Variants in LIPA observed in about 807,000 individuals in gnomAD.
The protein encoded by LIPA is lipase A, lysosomal acid type, also known as lysosomal acid lipase/cholesteryl ester hydrolase.
LIPA carries 26 observed loss-of-function variants against 40.6 expected under a neutral mutation model. That is an observed-to-expected ratio of 0.64 (90% CI 0.47 to 0.89). The LOEUF (loss-of-function observed/expected upper bound fraction) is 0.89, where lower values mean the gene tolerates loss of function less well. LIPA is among the 40% of genes least tolerant of loss of function. The pLI, the probability that LIPA is intolerant of heterozygous loss-of-function variation, is 0.00. For missense variants in LIPA, 455 were observed against 479.6 expected, an observed-to-expected ratio of 0.95 and a Z score of 0.48; for synonymous variants, 188 against 168.4, an observed-to-expected ratio of 1.12 and a Z score of -0.90.
intron 5 of LIPA, 67 bp from the exon 6 acceptor site, chr10:89,225,295 G>A: frequency 6.2e-7 from 1 of 1,601,834 alleles, no homozygotes; most frequent in South Asian, 1.1e-5. Flanking sequence ...AAAACACAAA[G>A]GCCGTCACTC....
intron 1 of LIPA, among the ~76,000 whole-genome samples, chr10:89,279,020 T>C (rs1843303151): frequency 6.6e-6 from 1 of 152,118 alleles, no homozygotes; most frequent in African/African-American, 2.4e-5. Flanking sequence ...ATGTAGAACA[T>C]ACTTGAGAAA....
At chr10:89,389,008 G>C (rs191959580) in intron 2 of LIPA, among the ~76,000 whole-genome samples, 12 of 152,144 alleles carry the variant, frequency 7.9e-5, no homozygotes, top group Middle Eastern at 3.4e-3. Context: ...AAGTAGTTTA[G>C]GAAAAATCTC....
At chr10:89,323,633 C>A (rs1172022562) in intron 1 of LIPA, among the ~76,000 whole-genome samples, 1 of 152,090 alleles carries the variant, frequency 6.6e-6, no homozygotes, top group Non-Finnish European at 1.5e-5. Context: ...CATTCCTATA[C>A]ACTAACAAAA....
intron 2 of LIPA, chr10:89,402,988 A>G (rs1213128521): frequency 6.2e-7 from 1 of 1,614,104 alleles, no homozygotes; most frequent in Non-Finnish European, 8.5e-7. Context: ...GAAGGAGAAA[A>G]GTACATTGAA....
intron 1 of LIPA, among the ~76,000 whole-genome samples, chr10:89,250,430 T>TC (rs1350830934): frequency 1.3e-5 from 2 of 152,268 alleles, no homozygotes; most frequent in Non-Finnish European, 2.9e-5. Context: ...GCAAACGTTA[T>TC]CCCCTTCAGT....
rs1356337720 is a variant in LIPA, at chr10:89,223,736, C to T, written c.770G>A (p.Cys257Tyr). 1.2e-6 allele frequency: 2 copies of T among 1,613,652 alleles called. No homozygotes were observed. Among genetic ancestry groups the T allele is most frequent in the Admixed American group, 3.3e-5 (2 of 60,022 alleles). The change falls in exon 7 of 10, where the codon TGT (cysteine) becomes TAT (tyrosine). Residue 257 changes from cysteine to tyrosine, a missense_variant. By Grantham distance (194) the Cys-to-Tyr change is radical. Coordinates refer to ENST00000336233, the MANE Select transcript of LIPA (RefSeq NM_000235.4). Reference protein sequence around the residue: ...VCTHVILKELCGNLCFLLCGF... With the variant: ...VCTHVILKELYGNLCFLLCGF... ...ACACAGAAGAAAACAGAGATTTCCA[C>T]AGAGCTCCTTCAGTATGACATGAGT... is the stretch of plus-strand genomic sequence containing the variant.
chr10:89,348,809 G>T (rs1843941109), intron 2 of LIPA, among the ~76,000 whole-genome samples: 1 of 152,128 alleles, frequency 6.6e-6, no homozygotes, highest in South Asian at 2.1e-4. Flanking sequence ...ATGCCTGCGT[G>T]GGGGTCCTGG....
chr10:89,262,029 A>G (rs532064806), intron 1 of LIPA, among the ~76,000 whole-genome samples: 39 of 152,306 alleles, frequency 2.6e-4, no homozygotes, highest in Non-Finnish European at 5.3e-4. Context: ...CCCTTTTCCC[A>G]GGTCTTTCCT....
At chr10:89,379,509 C>A (rs1844145492) in intron 2 of LIPA, among the ~76,000 whole-genome samples, 1 of 152,060 alleles carries the variant, frequency 6.6e-6, no homozygotes, top group Non-Finnish European at 1.5e-5. Context: ...TGGTGACCTG[C>A]AGAAAATGCT....
At chr10:89,340,602 T>TTA (rs1407077596) in intron 1 of LIPA, 1 of 152,568 alleles carries the variant, frequency 6.6e-6, no homozygotes, top group Non-Finnish European at 1.5e-5. Context: ...CTCATGTTCA[T>TTA]TATAGTTCAT....
intron 6 of LIPA, among the ~76,000 whole-genome samples, chr10:89,224,314 G>C (rs1842739293): frequency 6.6e-6 from 1 of 151,940 alleles, no homozygotes; most frequent in African/African-American, 2.4e-5. Flanking sequence ...TTTTTTTATT[G>C]GCCAGGCATG....
At chr10:89,387,219 G>C (rs1844216831) in intron 2 of LIPA, among the ~76,000 whole-genome samples, 1 of 151,454 alleles carries the variant, frequency 6.6e-6, no homozygotes, top group African/African-American at 2.4e-5. Context: ...GGGAGGCTGA[G>C]GCAGGACAAT....
intron 2 of LIPA, among the ~76,000 whole-genome samples, chr10:89,355,054 C>A (rs376266876): frequency 1.3e-5 from 2 of 152,240 alleles, no homozygotes; most frequent in African/African-American, 2.4e-5. Context: ...ATGCAAAAAA[C>A]CTGAAAAGAT....
At position 89,303,240 on chromosome 10, in the gene LIPA, T is replaced by C. The variant is rs368060439; in HGVS notation, c.-2+39371A>G. Reference sequence around the variant, plus strand: ...AGACAGTGGTTCTCAAAATTGAGCATGCATAAAAATTGCCTGGACAGCTTA... The same window carrying C: ...AGACAGTGGTTCTCAAAATTGAGCACGCATAAAAATTGCCTGGACAGCTTA... On this transcript the variant is annotated intron_variant, in intron 1 of 5. Transcript: ENST00000282673. Among the ~76,000 whole-genome samples the C allele has an allele frequency of 9.8e-4, 149 of 152,306 alleles. 3 individuals are homozygous for C. The South Asian group carries it at 0.029, about 30-fold the overall frequency.
At chr10:89,300,270 G>C (rs1020458578) in intron 1 of LIPA, among the ~76,000 whole-genome samples, 16 of 152,152 alleles carry the variant, frequency 1.1e-4, no homozygotes, top group Admixed American at 2.0e-4. Context: ...ACTGGGAAGG[G>C]GGGTGGTGGG....
At chr10:89,381,434 G>A (rs573754897) in intron 2 of LIPA, among the ~76,000 whole-genome samples, 203 of 152,214 alleles carry the variant, frequency 1.3e-3, no homozygotes, top group African/African-American at 4.6e-3. Flanking sequence ...AGGTTTCATT[G>A]GGTAATCTTC....
intron 2 of LIPA, among the ~76,000 whole-genome samples, chr10:89,363,714 T>G (rs1472172120): frequency 6.8e-6 from 1 of 146,262 alleles, no homozygotes; most frequent in Non-Finnish European, 1.5e-5. Flanking sequence ...GAGGCGGAGC[T>G]TGCAGTGAGC....
At chr10:89,296,096 G>A (rs1843413239) in intron 1 of LIPA, among the ~76,000 whole-genome samples, 1 of 152,158 alleles carries the variant, frequency 6.6e-6, no homozygotes, top group Admixed American at 6.5e-5. Flanking sequence ...TGAATACTGA[G>A]TTCAAAAAAT....
chr10:89,229,259 A>AT (rs1842809435), intron 3 of LIPA, among the ~76,000 whole-genome samples: 3 of 152,364 alleles, frequency 2.0e-5, no homozygotes, highest in Admixed American at 6.5e-5. Context: ...GCTGCATTCT[A>AT]TATGACATGC....
Sources: gnomAD v4.1 joint callset for allele counts (sites outside exome capture counted in the v4.1 genomes callset) on GRCh38, gnomAD v4.1.1 for gene constraint, MANE v1.5 for transcripts, NCBI Gene and HGNC (gene_info 2026-07-23, HGNC 2026-07-21) for gene names.